PIK3AP1: variants seen among roughly 807,000 people sequenced by gnomAD.
PIK3AP1 encodes the protein phosphoinositide-3-kinase adaptor protein 1.
A neutral mutation model predicts 88.1 loss-of-function variants in PIK3AP1; 21 were observed. That is an observed-to-expected ratio of 0.24 (90% CI 0.17 to 0.34). The LOEUF (loss-of-function observed/expected upper bound fraction) is 0.34, where lower values mean the gene tolerates loss of function less well. PIK3AP1 is among the 10% of genes least tolerant of loss of function. The pLI is 1.00. For synonymous variants in PIK3AP1, 398 were observed against 400.0 expected (o/e 1.00, Z 0.06); for missense variants, 828 against 1,035.7 (o/e 0.80, Z 2.75).
intron 2 of PIK3AP1, among the ~76,000 whole-genome samples, chr10:96,703,308 G>A (rs1165481035): frequency 6.6e-6 from 1 of 152,138 alleles, no homozygotes; most frequent in Non-Finnish European, 1.5e-5. Flanking sequence ...CAAAATATAT[G>A]ATACTTGTGG....
chr10:96,619,681 G>A (rs1025856224), intron 12 of PIK3AP1, among the ~76,000 whole-genome samples: 1 of 152,204 alleles, frequency 6.6e-6, no homozygotes, highest in Non-Finnish European at 1.5e-5. Flanking sequence ...ATACAGGTAT[G>A]GAGTTATATA....
chr10:96,624,188 A>G (rs998914886), intron 10 of PIK3AP1, among the ~76,000 whole-genome samples: 2 of 152,230 alleles, frequency 1.3e-5, no homozygotes, highest in African/African-American at 4.8e-5. Context: ...GAGGATGATA[A>G]TAGTTCTTTC....
chr10:96,655,499 T>C (rs1437036806), intron 3 of PIK3AP1, among the ~76,000 whole-genome samples: 1 of 152,094 alleles, frequency 6.6e-6, no homozygotes, highest in Non-Finnish European at 1.5e-5. Flanking sequence ...AGAGACAGAC[T>C]CTGTCTCAAA....
intron 8 of PIK3AP1, among the ~76,000 whole-genome samples, chr10:96,635,896 C>T (rs1261346793): frequency 1.3e-5 from 2 of 151,648 alleles, no homozygotes; most frequent in Non-Finnish European, 2.9e-5. Context: ...CAGAGCGAGA[C>T]TCCATCTCAA....
intron 2 of PIK3AP1, among the ~76,000 whole-genome samples, chr10:96,657,876 C>G (rs1427180816): frequency 5.9e-5 from 9 of 151,986 alleles, no homozygotes; most frequent in Non-Finnish European, 1.2e-4. Context: ...CTAGCCTGAC[C>G]AACATGGTGA....
In PIK3AP1 at chr10:96,720,060, C is replaced by T. The variant is rs1269159144; in HGVS notation, c.13+322G>A. 2.0e-5 allele frequency among the ~76,000 whole-genome samples: 3 copies of T among 152,162 alleles called. No homozygotes were observed. The highest frequency in any genetic ancestry group is 7.2e-5 in the African/African-American group (3 of 41,436). On this transcript the variant is annotated intron_variant, in intron 1 of 16. Transcript: ENST00000339364. The surrounding 1 kb of genome is among the most constrained non-coding windows in gnomAD (Gnocchi z 4.6). ...CCTCCGCTTCTCTCAACTCGCCTCT[C>T]GCTTCAGAGTCGGAGGGACAGGGGA...
intron 11 of PIK3AP1, among the ~76,000 whole-genome samples, chr10:96,622,684 G>A (rs1418903049): frequency 2.0e-5 from 3 of 152,180 alleles, no homozygotes; most frequent in South Asian, 2.1e-4. Context: ...TACTACCAGA[G>A]CCCTTTGGGG....
intron 2 of PIK3AP1, among the ~76,000 whole-genome samples, chr10:96,670,045 C>T (rs1843821966): frequency 6.6e-6 from 1 of 151,124 alleles, no homozygotes; most frequent in Non-Finnish European, 1.5e-5. Flanking sequence ...CGTGGTGGCA[C>T]GCGCCTGTAG....
intron 2 of PIK3AP1, among the ~76,000 whole-genome samples, 175 bp from the exon 3 acceptor site, chr10:96,657,109 C>A (rs576191120): frequency 4.6e-5 from 7 of 152,004 alleles, no homozygotes; most frequent in Admixed American, 3.3e-4. Context: ...TGAAGACAAG[C>A]CAAACAGCAT....
chr10:96,684,848 A>T (rs1006304931), intron 2 of PIK3AP1, among the ~76,000 whole-genome samples: 2 of 152,204 alleles, frequency 1.3e-5, no homozygotes, highest in African/African-American at 4.8e-5. Flanking sequence ...TTGAGGCGGC[A>T]CTCTCTGATA....
In PIK3AP1 at chr10:96,718,940, A is replaced by G. The variant is rs774808771; in HGVS notation, c.13+1442T>C. On this transcript the variant is annotated intron_variant, in intron 1 of 16. Coordinates refer to ENST00000339364, the MANE Select transcript of PIK3AP1 (RefSeq NM_152309.3). The stretch of plus-strand genomic sequence containing the variant: ...TCATTGCTTGGAGCACTCTTCCCCA[A>G]AGAGCCTCCTCCCCCTGGAAATCTT... 1.9e-4 allele frequency among the ~76,000 whole-genome samples: 29 copies of G among 152,030 alleles called. 1 individual carries two copies. Among genetic ancestry groups the G allele is most frequent in the Non-Finnish European group, 2.9e-4 (20 of 67,988 alleles).
chr10:96,668,706 G>GA (rs1032345075), intron 2 of PIK3AP1, among the ~76,000 whole-genome samples: 1 of 152,104 alleles, frequency 6.6e-6, no homozygotes, highest in Admixed American at 6.5e-5. Context: ...TGTGGCTGAT[G>GA]AAAAAAAGAC....
rs1420411290 is a variant in PIK3AP1, at chr10:96,709,803, C to T, written c.194G>A (p.Arg65His). Residue 65 changes from arginine (R) to histidine (H), a missense_variant, in exon 2 of 17, where the codon CGC (arginine) becomes CAC (histidine). Physicochemically the swap from Arg to His is conservative, Grantham distance 29 (BLOSUM62 0). This residue lies in a region of PIK3AP1 where 610 missense variants were observed against 760.1 expected (regional missense o/e 0.80). Transcript: ENST00000339364. ...AEDLSLFLST[R>H]CVVVLLSAEL... The stretch of plus-strand genomic sequence containing the variant: ...CGCGGACAGCAGCACCACGACACAG[C>T]GGGTGCTGAGGAAAAGGCTTAGGTC... The T allele has an allele frequency of 6.2e-6, 10 of 1,613,388 alleles. No individual in the cohort carries two copies. The highest frequency in any genetic ancestry group is 2.7e-5 in the African/African-American group (2 of 74,916).
chr10:96,597,347 C>T, intron 16 of PIK3AP1, among the ~76,000 whole-genome samples: 1 of 13,214 alleles, frequency 7.6e-5, no homozygotes, highest in African/African-American at 2.1e-4. Context: ...TCCCTCCCTC[C>T]CTCCCTCCCT....
chr10:96,658,883 G>A (rs1843650483), intron 2 of PIK3AP1, among the ~76,000 whole-genome samples: 1 of 149,388 alleles, frequency 6.7e-6, no homozygotes, highest in Admixed American at 6.7e-5. Context: ...AGAACCATCG[G>A]TCTCCTCCAA....
At chr10:96,597,376 CTTTCTT>C (rs148204845) in intron 16 of PIK3AP1, among the ~76,000 whole-genome samples, 22,448 of 117,366 alleles carry the variant, frequency 0.19, 2,663 homozygotes, top group Admixed American at 0.33. Context: ...CTCTCTCTCT[CTTTCTT>C]TCTTTCTTTC....
intron 12 of PIK3AP1, chr10:96,619,276 G>A (rs1843042831): frequency 6.6e-6 from 1 of 152,248 alleles, no homozygotes; most frequent in East Asian, 1.9e-4. Context: ...CCAGAAGACA[G>A]GCTCCTATCT....
At chr10:96,670,934 G>C (rs1385992028) in intron 2 of PIK3AP1, among the ~76,000 whole-genome samples, 1 of 152,180 alleles carries the variant, frequency 6.6e-6, no homozygotes, top group Non-Finnish European at 1.5e-5. Context: ...GTGTTACCAA[G>C]TCAACATCCT....
At position 96,720,357 on chromosome 10, in the gene PIK3AP1, G is replaced by T; in HGVS notation, c.13+25C>A. ...TACGAGAGAGGGGCCGGGAGCCCGG[G>T]GACCCGCGGCGCCTGCCTACCCACC... On this transcript the variant is annotated intron_variant, in intron 1 of 16. Coordinates refer to ENST00000339364, the MANE Select transcript of PIK3AP1 (RefSeq NM_152309.3). This position sits in a 1 kb window ranked among gnomAD's most constrained non-coding sequence, Gnocchi z 4.6. 4.0e-6 allele frequency: 5 copies of T among 1,242,508 alleles called. No individual in the cohort carries two copies. The highest frequency in any genetic ancestry group is 5.1e-6 in the Non-Finnish European group (5 of 987,800). The allele number at this position is 1,242,508 out of a possible 1,614,324, so 77.0% of individuals were successfully genotyped here.
Sources: allele counts gnomAD v4.1 joint callset (sites outside exome capture counted in the v4.1 genomes callset), GRCh38; gene constraint gnomAD v4.1.1; regional missense constraint gnomAD v4.1.1; non-coding constraint Gnocchi (gnomAD v3.1); transcripts MANE v1.5; gene names NCBI Gene and HGNC (gene_info 2026-07-23, HGNC 2026-07-21).